Variants in IL11 observed in about 807,000 individuals in gnomAD.
IL11 encodes interleukin 11.
A neutral mutation model predicts 18.1 loss-of-function variants in IL11; 17 were observed. The observed-to-expected ratio is 0.94, with a 90% CI of 0.64 to 1.41. IL11 has a LOEUF of 1.41. Ranked by LOEUF, IL11 falls within the 40% of genes most tolerant of loss-of-function variation. The pLI, the probability that IL11 is intolerant of heterozygous loss-of-function variation, is 0.00. For synonymous variants in IL11, 144 were observed against 134.1 expected, an observed-to-expected ratio of 1.07 and a Z score of -0.51; for missense variants, 309 against 262.8, an observed-to-expected ratio of 1.18 and a Z score of -1.22.
Position 55,370,428 on chromosome 19 carries a change from G to A in IL11, c.-118C>T, listed in dbSNP as rs1243616073. Reference sequence around the variant, plus strand: ...TCAGCTGGGCCGCGGCCTGGGGAGGGGAGGCATGTGCCCTGAGCAGCAGGG... The same window carrying A: ...TCAGCTGGGCCGCGGCCTGGGGAGGAGAGGCATGTGCCCTGAGCAGCAGGG... On this transcript the variant is annotated 5_prime_UTR_variant, in exon 1 of 5. Transcript: ENST00000264563. 4.2e-6 allele frequency: 3 copies of A among 716,142 alleles called. No individual in the cohort carries two copies. Among genetic ancestry groups the A allele is most frequent in the Admixed American group, 4.0e-5 (1 of 25,208 alleles). The allele number at this position is 716,142 out of a possible 1,614,324, so 44.4% of individuals were successfully genotyped here.
rs2089797894 is a variant in IL11, at chr19:55,368,252, C to T, written c.387G>A (p.Leu129=). Residue 129 remains leucine (L), a synonymous_variant, in exon 4 of 5, where the codon CTG becomes CTA. Coordinates refer to ENST00000264563, the MANE Select transcript of IL11 (RefSeq NM_000641.4). ...LKTLEPELGT[L]QARLDRLLRR... ...GCAGCAGCCGGTCCAGTCGGGCCTG[C>T]AGGGTGCCCAGCTCGGGCTCCAGGG... 2 of 1,547,788 alleles carry T rather than the reference C, an allele frequency of 1.3e-6. No homozygotes were observed. Among genetic ancestry groups the T allele is most frequent in the African/African-American group, 1.4e-5 (1 of 73,086 alleles).
At chr19:55,368,052 C>T (rs1016919936) in intron 4 of IL11, among the ~76,000 whole-genome samples, 158 bp downstream of exon 4, 8 of 151,382 alleles carry the variant, frequency 5.3e-5, no homozygotes, top group Admixed American at 2.0e-4. Flanking sequence ...GGGGCTGTTA[C>T]GGTGTCAGGG....
Position 55,368,848 on chromosome 19 carries a change from T to C in IL11, c.101A>G (p.Asp34Gly), listed in dbSNP as rs2089803163. ...GGTGCTGTCCAGCTCGGCCCGAGGGTCTGGGGAAACTCGAGGGGGGCCAGG... is the reference window on the plus strand; with the variant it reads ...GGTGCTGTCCAGCTCGGCCCGAGGGCCTGGGGAAACTCGAGGGGGGCCAGG... Reference protein sequence around the residue: ...PPPGPPRVSPDPRAELDSTVL... With the variant: ...PPPGPPRVSPGPRAELDSTVL... The change falls in exon 2 of 5, where the codon GAC becomes GGC. Residue 34 changes from aspartate (D) to glycine (G), a missense_variant. Asp to Gly is a moderately conservative substitution (Grantham distance 94, BLOSUM62 -1). Transcript: ENST00000264563. 6.3e-7 allele frequency: 1 copy of C among 1,586,456 alleles called. No homozygotes were observed. Among genetic ancestry groups the C allele is most frequent in the Non-Finnish European group, 8.6e-7 (1 of 1,167,012 alleles).
In IL11 at chr19:55,369,246, C is replaced by T. The variant is rs1347117437; in HGVS notation, c.8-305G>A. The T allele has an allele frequency of 4.2e-6, 1 of 236,970 alleles. No individual in the cohort carries two copies. Among genetic ancestry groups the T allele is most frequent in the Non-Finnish European group, 8.2e-6 (1 of 122,218 alleles). The allele number at this position is 236,970 out of a possible 1,614,324, so 14.7% of individuals were successfully genotyped here. On this transcript the variant is annotated intron_variant, in intron 1 of 4. Transcript: ENST00000264563. This position sits in a 1 kb window ranked among gnomAD's most constrained non-coding sequence, Gnocchi z 6.1. ...AGGTCGCAGGGCCAGGCGGGCTTCC[C>T]TCTCCCTCCCTGGCTCTGGCTGCCC...
At position 55,365,754 on chromosome 19, in the gene IL11, G is replaced by A. The variant is rs186526404; in HGVS notation, c.*253C>T. 71 of 521,894 alleles carry A rather than the reference G, an allele frequency of 1.4e-4. No individual in the cohort carries two copies. The East Asian group carries it at 2.7e-3, about 20-fold the overall frequency. The allele number at this position is 521,894 out of a possible 1,614,324, so 32.3% of individuals were successfully genotyped here. Reference sequence around the variant, plus strand: ...GCAGAAGTCTGTGGACAGACTTCTTGGAGACCCAAGAATCCGGGACCCCAG... The same window carrying A: ...GCAGAAGTCTGTGGACAGACTTCTTAGAGACCCAAGAATCCGGGACCCCAG... On this transcript the variant is annotated 3_prime_UTR_variant, in exon 5 of 5. Coordinates refer to ENST00000264563, the MANE Select transcript of IL11 (RefSeq NM_000641.4).
At position 55,368,209 on chromosome 19, in the gene IL11, C is replaced by CCAGGAGCTGCAGCCGGCG. The variant is rs766215349; in HGVS notation, c.412_429dup (p.Arg138_Leu143dup). On this transcript the variant is annotated inframe_insertion and splice_region_variant. Coordinates refer to ENST00000264563, the MANE Select transcript of IL11 (RefSeq NM_000641.4). ...TGTCAGGTCTTGGGGCCAGGACATA[C>CCAGGAGCTGCAGCCGGCG]CAGGAGCTGCAGCCGGCGCAGCAGC... is the stretch of plus-strand genomic sequence containing the variant. 4.6e-5 allele frequency: 71 copies of CCAGGAGCTGCAGCCGGCG among 1,529,704 alleles called. 1 individual carries two copies. In the South Asian group the frequency reaches 8.2e-4, roughly 18 times the overall value. The allele number at this position is 1,529,704 out of a possible 1,614,324, so 94.8% of individuals were successfully genotyped here.
Position 55,369,099 on chromosome 19 carries a change from A to G in IL11, c.8-158T>C, listed in dbSNP as rs1337501302. The G allele has an allele frequency of 7.0e-6, 4 of 572,934 alleles. No homozygotes were observed. The highest frequency in any genetic ancestry group is 1.1e-5 in the Non-Finnish European group (4 of 348,616). The allele number at this position is 572,934 out of a possible 1,614,324, so 35.5% of individuals were successfully genotyped here. A position where few individuals can be genotyped will look rare whatever the true frequency, so the allele number is the denominator to read the frequency against. On this transcript the variant is annotated intron_variant, in intron 1 of 4. Coordinates refer to ENST00000264563, the MANE Select transcript of IL11 (RefSeq NM_000641.4). The surrounding 1 kb of genome is among the most constrained non-coding windows in gnomAD (Gnocchi z 6.1). The stretch of plus-strand genomic sequence containing the variant: ...CTGGGGGCCTGGACTCCTAGGTCTG[A>G]GGGAGGAAGGCCTGGGGTCTGGACT...
At chr19:55,370,283 C>T (rs1442975081) in intron 1 of IL11, 21 bp downstream of exon 1, 6 of 1,493,214 alleles carry the variant, frequency 4.0e-6, no homozygotes, top group Admixed American at 2.1e-5. Context: ...TCCCCTCCAC[C>T]CTCCCCATGA....
At chr19:55,368,655 T>G in intron 2 of IL11, 86 bp from the exon 3 acceptor site, 1 of 1,467,654 alleles carries the variant, frequency 6.8e-7, no homozygotes, top group Non-Finnish European at 9.3e-7. Flanking sequence ...ACTCTTCCCC[T>G]CCCTCACTCT....
intron 4 of IL11, among the ~76,000 whole-genome samples, 185 bp downstream of exon 4, chr19:55,368,025 G>T (rs1188985162): frequency 1.3e-5 from 2 of 151,858 alleles, no homozygotes; most frequent in Non-Finnish European, 2.9e-5. Flanking sequence ...GGACTGTTAG[G>T]GTCAGGGTCT....
At position 55,369,312 on chromosome 19, in the gene IL11, C is replaced by A. The variant is rs556083251; in HGVS notation, c.8-371G>T. On this transcript the variant is annotated intron_variant, in intron 1 of 4. Transcript: ENST00000264563. The surrounding 1 kb of genome is among the most constrained non-coding windows in gnomAD (Gnocchi z 6.1). ...ACGCGGCCCGGGGCGGGTAGACGGG[C>A]CGGGCGTCTCCCGTCCGCCCCCGGA... 1 of 165,968 alleles carries A rather than the reference C, an allele frequency of 6.0e-6. No individual in the cohort carries two copies. The highest frequency in any genetic ancestry group is 1.7e-4 in the East Asian group (1 of 5,980). 10.3% of individuals were successfully genotyped at this position (165,968 alleles called of 1,614,324 possible).
rs577772080 is a variant in IL11 at position 55,369,961 on chromosome 19, C to T, written c.7+343G>A. ...GAATCCCAGGGAGTCTCCCGGTCCC[C>T]GCGGGCTCCCTGGGGCCTGGGTCGA... is the stretch of plus-strand genomic sequence containing the variant. On this transcript the variant is annotated intron_variant, in intron 1 of 4. Transcript: ENST00000264563. This position sits in a 1 kb window ranked among gnomAD's most constrained non-coding sequence, Gnocchi z 6.1. Among the ~76,000 whole-genome samples, 47 of 152,138 alleles carry T rather than the reference C, an allele frequency of 3.1e-4. 1 individual carries two copies. In the South Asian group the frequency reaches 4.8e-3, roughly 15 times the overall value.
rs923441849 is a variant in IL11, at chr19:55,366,577, G to A, written c.430-400C>T. Among the ~76,000 whole-genome samples, 1 of 152,234 alleles carries A rather than the reference G, an allele frequency of 6.6e-6. No individual in the cohort carries two copies. Among genetic ancestry groups the A allele is most frequent in the Admixed American group, 6.5e-5 (1 of 15,300 alleles). On this transcript the variant is annotated intron_variant, in intron 4 of 4. Coordinates refer to ENST00000264563, the MANE Select transcript of IL11 (RefSeq NM_000641.4). This position sits in a 1 kb window ranked among gnomAD's most constrained non-coding sequence, Gnocchi z 4.6. Reference sequence around the variant, plus strand: ...TGTTATCCCAGCGCTTTGGGAGGCCGAGGCGGGCGGATGGCCTGAGCTCAG... The same window carrying A: ...TGTTATCCCAGCGCTTTGGGAGGCCAAGGCGGGCGGATGGCCTGAGCTCAG...
intron 2 of IL11, 43 bp downstream of exon 2, chr19:55,368,726 C>G (rs751866348): frequency 6.5e-7 from 1 of 1,536,604 alleles, no homozygotes; most frequent in South Asian, 1.2e-5. Flanking sequence ...CCGTTCCTCT[C>G]TGCCTCTCAC....
chr19:55,365,796 GA>G lies in IL11; in HGVS notation c.*210del, dbSNP rs2089781246. The G allele has an allele frequency of 1.4e-6, 1 of 698,012 alleles. No homozygotes were observed. Among genetic ancestry groups the G allele is most frequent in the Non-Finnish European group, 2.2e-6 (1 of 444,452 alleles). The allele number at this position is 698,012 out of a possible 1,614,324, so 43.2% of individuals were successfully genotyped here. On this transcript the variant is annotated 3_prime_UTR_variant, in exon 5 of 5. Transcript: ENST00000264563. ...GGACCCCAGTCCCCTCCTCCTCGGG[GA>G]CCCAGGAGTCCACCTGCCTCCCACC...
At position 55,368,931 on chromosome 19, in the gene IL11, G is replaced by A; in HGVS notation, c.18C>T (p.Arg6=). The A allele has an allele frequency of 2.0e-6, 3 of 1,518,152 alleles. No individual in the cohort carries two copies. Among genetic ancestry groups the A allele is most frequent in the Non-Finnish European group, 2.7e-6 (3 of 1,127,954 alleles). 94.0% of individuals were successfully genotyped at this position (1,518,152 alleles called of 1,614,324 possible). A position where few individuals can be genotyped will look rare whatever the true frequency, so the allele number is the denominator to read the frequency against. The change falls in exon 2 of 5, where the codon CGC becomes CGT. Residue 6 remains arginine (R), a synonymous_variant. Transcript: ENST00000264563. MNCVC[R]LVLVVLSLWP... is the part of the protein sequence containing the mutation. Reference sequence around the variant, plus strand: ...ACAGGCTCAGCACGACCAGGACCAGGCGGCAAACACCTGGGGGCAGGATAA... The same window carrying A: ...ACAGGCTCAGCACGACCAGGACCAGACGGCAAACACCTGGGGGCAGGATAA...
chr19:55,368,191 T>TCTTG lies in IL11; in HGVS notation c.429+15_429+18dup, dbSNP rs2089797265. 6.6e-7 allele frequency: 1 copy of TCTTG among 1,513,702 alleles called. No homozygotes were observed. Among genetic ancestry groups the TCTTG allele is most frequent in the South Asian group, 1.2e-5 (1 of 82,262 alleles). The allele number at this position is 1,513,702 out of a possible 1,614,324, so 93.8% of individuals were successfully genotyped here. A position where few individuals can be genotyped will look rare whatever the true frequency, so the allele number is the denominator to read the frequency against. On this transcript the variant is annotated intron_variant, in intron 4 of 4. Coordinates refer to ENST00000264563, the MANE Select transcript of IL11 (RefSeq NM_000641.4). ...AGGGGTGGGGGTCTGGGGTGTCAGG[T>TCTTG]CTTGGGGCCAGGACATACCAGGAGC...
At position 55,365,435 on chromosome 19, in the gene IL11, C is replaced by T. The variant is rs2089779141; in HGVS notation, c.*572G>A. 6.2e-6 allele frequency: 1 copy of T among 160,954 alleles called. No individual in the cohort carries two copies. Among genetic ancestry groups the T allele is most frequent in the Admixed American group, 6.4e-5 (1 of 15,730 alleles). The allele number at this position is 160,954 out of a possible 1,614,324, so 10.0% of individuals were successfully genotyped here. A position where few individuals can be genotyped will look rare whatever the true frequency, so the allele number is the denominator to read the frequency against. ...CCACAGAGCTGTCTGGGTGACCGAC[C>T]CATCTCCCAGTCGCTGCCCCGCCCA... On this transcript the variant is annotated 3_prime_UTR_variant, in exon 5 of 5. Coordinates refer to ENST00000264563, the MANE Select transcript of IL11 (RefSeq NM_000641.4).
In IL11 at chr19:55,368,838, G is replaced by A. The variant is rs570837384; in HGVS notation, c.111C>T (p.Ala37=). 1.3e-6 allele frequency: 2 copies of A among 1,589,760 alleles called. No homozygotes were observed. The highest frequency in any genetic ancestry group is 1.7e-6 in the Non-Finnish European group (2 of 1,168,764). ...GPPRVSPDPR[A]ELDSTVLLTR... ...TCAGGAGCACGGTGCTGTCCAGCTCGGCCCGAGGGTCTGGGGAAACTCGAG... is the reference window on the plus strand; with the variant it reads ...TCAGGAGCACGGTGCTGTCCAGCTCAGCCCGAGGGTCTGGGGAAACTCGAG... Residue 37 remains alanine, a synonymous_variant, in exon 2 of 5, where the codon GCC becomes GCT. Coordinates refer to ENST00000264563, the MANE Select transcript of IL11 (RefSeq NM_000641.4).
Sources: gnomAD v4.1 joint callset for allele counts (sites outside exome capture counted in the v4.1 genomes callset) on GRCh38, gnomAD v4.1.1 for gene constraint, Gnocchi (gnomAD v3.1) non-coding constraint, MANE v1.5 for transcripts, NCBI Gene and HGNC (gene_info 2026-07-23, HGNC 2026-07-21) for gene names.